Variants in CES4A observed in about 807,000 individuals in gnomAD.
CES4A encodes carboxylesterase 6.
A neutral mutation model predicts 65.4 loss-of-function variants in CES4A; 48 were observed. The observed-to-expected ratio is 0.73, with a 90% CI of 0.58 to 0.93. The LOEUF (loss-of-function observed/expected upper bound fraction) is 0.93. CES4A is among the 40% of genes least tolerant of loss of function. The pLI is 0.00. For missense variants in CES4A, 685 were observed against 728.5 expected (o/e 0.94, Z 0.69); for synonymous variants, 247 against 281.8 (o/e 0.88, Z 1.24).
chr16:66,994,096 A>G (rs4783748), intron 1 of CES4A, among the ~76,000 whole-genome samples: 46,977 of 150,912 alleles, frequency 0.31, 11,102 homozygotes, highest in African/African-American at 0.67. Context: ...GCAAGACTCC[A>G]TCTCAAAAAA....
chr16:66,999,411 T>G (rs1280482376), intron 2 of CES4A, among the ~76,000 whole-genome samples: 2 of 152,190 alleles, frequency 1.3e-5, no homozygotes, highest in African/African-American at 2.4e-5. Flanking sequence ...GTGCCAGTAC[T>G]CAGATGAATC....
At chr16:66,997,066 A>C (rs1465317460) in intron 2 of CES4A, among the ~76,000 whole-genome samples, 1 of 151,882 alleles carries the variant, frequency 6.6e-6, no homozygotes, top group Non-Finnish European at 1.5e-5. Context: ...CCCTGTCTCA[A>C]AAAAAAAAAT....
At chr16:67,004,825 G>A in exon 10 of CES4A, 1 of 1,536,134 alleles carries the variant, frequency 6.5e-7, no homozygotes, top group South Asian at 1.2e-5. Flanking sequence ...GGCAGGCGAT[G>A]AGAAAGGAAA....
rs1360668154 is a variant in CES4A at position 67,008,955 on chromosome 16, CTT to C, written c.1518-14_1518-13del. ...TGAAAAGGAACACAGGTAATCCTCT[CTT>C]TTTTATTTCTGGGCAGAAACCCCAA... is the stretch of plus-strand genomic sequence containing the variant. On this transcript the variant is annotated splice_polypyrimidine_tract_variant and intron_variant, in intron 13 of 13. Transcript: ENST00000648724. 4 of 1,606,676 alleles carry C rather than the reference CTT, an allele frequency of 2.5e-6. No homozygotes were observed.
In CES4A at chr16:67,003,179, G is replaced by A; in HGVS notation, c.795+5G>A. 6.2e-7 allele frequency: 1 copy of A among 1,613,386 alleles called. No individual in the cohort carries two copies. The highest frequency in any genetic ancestry group is 8.5e-7 in the Non-Finnish European group (1 of 1,179,310). On this transcript the variant is annotated splice_donor_5th_base_variant and intron_variant, in intron 6 of 13. Coordinates refer to ENST00000648724, the Ensembl canonical transcript of CES4A. The surrounding 1 kb of genome is among the most constrained non-coding windows in gnomAD (Gnocchi z 4.2). ...AACCCACTGAAAGTGGCCAAGGTGAGTGCCTCTCCTTCCCCAGGGCTCAGC... is the reference window on the plus strand; with the variant it reads ...AACCCACTGAAAGTGGCCAAGGTGAATGCCTCTCCTTCCCCAGGGCTCAGC...
chr16:66,990,082 G>T (rs545910322), intron 1 of CES4A, among the ~76,000 whole-genome samples: 8 of 117,622 alleles, frequency 6.8e-5, no homozygotes, highest in African/African-American at 2.7e-4. Context: ...ACGGAGTCTC[G>T]CCCTGTCACC....
chr16:66,996,737 C>T (rs186525112), intron 2 of CES4A, among the ~76,000 whole-genome samples: 1 of 152,022 alleles, frequency 6.6e-6, no homozygotes, highest in Non-Finnish European at 1.5e-5. Flanking sequence ...ATACAAATAC[C>T]ACCCCAGGTG....
At chr16:66,994,839 CA>C (rs530758138) in intron 1 of CES4A, among the ~76,000 whole-genome samples, 285 of 125,932 alleles carry the variant, frequency 2.3e-3, no homozygotes, top group Middle Eastern at 4.5e-3. Context: ...AACTCCATCT[CA>C]AAAAAAAAAA....
chr16:67,005,934 TG>T, intron 11 of CES4A: 1 of 184,384 alleles, frequency 5.4e-6, no homozygotes. Context: ...AGGAGAAGCC[TG>T]GGGTGGTCAG....
At chr16:67,006,322 G>A (rs1195311699) in intron 11 of CES4A, 69 bp from the exon 12 acceptor site, 16 of 1,512,996 alleles carry the variant, frequency 1.1e-5, no homozygotes, top group Non-Finnish European at 1.4e-5. Flanking sequence ...GTGAGTGGGA[G>A]GCATGGGGTG....
chr16:67,006,703 C>T lies in CES4A; in HGVS notation c.1445-42C>T, dbSNP rs749492637. The T allele has an allele frequency of 6.3e-6, 10 of 1,595,474 alleles. No individual in the cohort carries two copies. The East Asian group carries it at 1.8e-4, about 28-fold the overall frequency. On this transcript the variant is annotated intron_variant, in intron 12 of 13. Transcript: ENST00000648724. Reference sequence around the variant, plus strand: ...CAGGAGTAGGGTGGGAGGTCAGTGTCCCCTGCTCTGTCCGAAATCCCACAT... The same window carrying T: ...CAGGAGTAGGGTGGGAGGTCAGTGTTCCCTGCTCTGTCCGAAATCCCACAT...
intron 1 of CES4A, among the ~76,000 whole-genome samples, chr16:66,993,872 C>T (rs916965126): frequency 6.6e-5 from 10 of 151,858 alleles, no homozygotes; most frequent in African/African-American, 2.4e-4. Context: ...GAGGCTGAGG[C>T]GGGCAGATCA....
At chr16:67,004,664 C>A in intron 9 of CES4A, 129 bp from the exon 10 acceptor site, 1 of 727,642 alleles carries the variant, frequency 1.4e-6, no homozygotes, top group Non-Finnish European at 2.3e-6. Context: ...TGGGCCCTTC[C>A]TGGGCTGTGT....
rs1357619464 is a variant in CES4A at position 67,005,297 on chromosome 16, G to A, written c.1219G>A (p.Glu407Lys). The A allele has an allele frequency of 1.7e-5, 27 of 1,613,952 alleles. No homozygotes were observed. The highest frequency in any genetic ancestry group is 2.1e-5 in the Non-Finnish European group (25 of 1,179,944). ...GGAGGAGTACCTGGACAATGTCAATGAGCATGACTGGAAGATGCTACGAAA... is the reference window on the plus strand; with the variant it reads ...GGAGGAGTACCTGGACAATGTCAATAAGCATGACTGGAAGATGCTACGAAA... The change falls in exon 11 of 14, where the codon GAG becomes AAG. Residue 407 changes from glutamate (E) to lysine (K), a missense_variant. Physicochemically the swap from Glu to Lys is moderately conservative, Grantham distance 56. Coordinates refer to ENST00000648724, the Ensembl canonical transcript of CES4A.
intron 9 of CES4A, among the ~76,000 whole-genome samples, 194 bp downstream of exon 9, chr16:67,004,418 A>C (rs1285800562): frequency 6.6e-6 from 1 of 152,200 alleles, no homozygotes; most frequent in African/African-American, 2.4e-5. Context: ...GAGGGGAAGA[A>C]GGGAGAAGTA....
exon 14 of CES4A, chr16:67,009,188 T>C (rs1221907739): frequency 6.4e-7 from 1 of 1,568,056 alleles, no homozygotes; most frequent in South Asian, 1.2e-5. Flanking sequence ...GCCCCCACCA[T>C]CCAGGCCCTG....
At chr16:66,991,944 A>G (rs1168762975) in intron 1 of CES4A, among the ~76,000 whole-genome samples, 1 of 152,216 alleles carries the variant, frequency 6.6e-6, no homozygotes, top group East Asian at 1.9e-4. Context: ...CCCTGTCTCT[A>G]CAAAAAAGAA....
intron 13 of CES4A, 94 bp from the exon 14 acceptor site, chr16:67,008,880 A>G: frequency 1.5e-6 from 2 of 1,318,474 alleles, no homozygotes; most frequent in Non-Finnish European, 1.1e-6. Context: ...CTGGAACCCC[A>G]AGTCCCAAGG....
Position 67,003,084 on chromosome 16 carries a change from A to G in CES4A, c.705A>G (p.Leu235=), listed in dbSNP as rs199564998. 9 of 1,613,904 alleles carry G rather than the reference A, an allele frequency of 5.6e-6. No homozygotes were observed. Among genetic ancestry groups the G allele is most frequent in the Non-Finnish European group, 7.6e-6 (9 of 1,179,930 alleles). ...TGTTCTTGCAGATGATGTCACCCCT[A>G]GCCTCGGGTCTCTTCCATCGGGCCA... The change falls in exon 6 of 14, where the codon CTA becomes CTG. Residue 235 remains leucine (L), a synonymous_variant. Transcript: ENST00000648724. The surrounding 1 kb of genome is among the most constrained non-coding windows in gnomAD (Gnocchi z 4.2).
Sources: allele counts gnomAD v4.1 joint callset (sites outside exome capture counted in the v4.1 genomes callset), GRCh38; gene constraint gnomAD v4.1.1; non-coding constraint Gnocchi (gnomAD v3.1); transcripts MANE v1.5; gene names NCBI Gene and HGNC (gene_info 2026-07-23, HGNC 2026-07-21).